SHC3: variants seen among roughly 807,000 people sequenced by gnomAD.
SHC3 encodes the protein SHC-transforming protein 3.
SHC3 carries 15 observed loss-of-function variants against 60.4 expected under a neutral mutation model. That is an observed-to-expected ratio of 0.25 (90% confidence interval 0.17 to 0.38). The LOEUF (loss-of-function observed/expected upper bound fraction) is 0.38, where lower values mean the gene tolerates loss of function less well. Among genes scored for constraint, SHC3 ranks in the 10% least tolerant of loss-of-function variants. SHC3 has a pLI of 1.00. For missense variants in SHC3, 677 were observed against 786.1 expected (o/e 0.86, Z 1.66); for synonymous variants, 294 against 325.9 (o/e 0.90, Z 1.05).
intron 3 of SHC3, among the ~76,000 whole-genome samples, chr9:89,075,787 T>C (rs1049867065): frequency 6.6e-6 from 1 of 152,280 alleles, no homozygotes; most frequent in African/African-American, 2.4e-5. Flanking sequence ...TAAAAACCCA[T>C]GGGCCTAGAG....
At chr9:89,105,434 C>T (rs910508375) in intron 2 of SHC3, among the ~76,000 whole-genome samples, 3 of 152,180 alleles carry the variant, frequency 2.0e-5, no homozygotes, top group Admixed American at 6.5e-5. Flanking sequence ...ACACCCTCAT[C>T]GCTATCTGAA....
At chr9:89,105,065 G>A (rs1213150229) in intron 2 of SHC3, among the ~76,000 whole-genome samples, 1 of 152,134 alleles carries the variant, frequency 6.6e-6, no homozygotes, top group Non-Finnish European at 1.5e-5. Context: ...CCAGCCGACT[G>A]CAAGTGCCTC....
chr9:89,035,195 A>T (rs1472172462), intron 11 of SHC3, among the ~76,000 whole-genome samples: 1 of 152,064 alleles, frequency 6.6e-6, no homozygotes, highest in Non-Finnish European at 1.5e-5. Context: ...TCTTTTTCTC[A>T]ATCCTTTGAC....
chr9:89,080,116 C>A (rs1307793204), intron 2 of SHC3, among the ~76,000 whole-genome samples: 1 of 152,226 alleles, frequency 6.6e-6, no homozygotes, highest in African/African-American at 2.4e-5. Flanking sequence ...AATTCCCCTT[C>A]TTGCTGTTTA....
rs939412862 is a variant in SHC3, at chr9:89,045,750, C to A, written c.1197G>T (p.Arg399Ser). 4.3e-6 allele frequency: 7 copies of A among 1,614,016 alleles called. No homozygotes were observed. The highest frequency in any genetic ancestry group is 1.7e-5 in the Admixed American group (1 of 60,020). The change falls in exon 9 of 12, where the codon AGG becomes AGT. Residue 399 changes from arginine to serine, a missense_variant. Transcript: ENST00000375835. Reference protein sequence around the residue: ...FGEDWQQTPLRQGSSDIYSTP... With the variant: ...FGEDWQQTPLSQGSSDIYSTP... Reference sequence around the variant, plus strand: ...CCATCTCACCTTGCCTCTCACCTTGCCTTAAAGGTGTTTGCTGCCAGTCTT... The same window carrying A: ...CCATCTCACCTTGCCTCTCACCTTGACTTAAAGGTGTTTGCTGCCAGTCTT...
intron 4 of SHC3, among the ~76,000 whole-genome samples, chr9:89,072,573 CTTTAT>C (rs1825291776): frequency 1.3e-5 from 2 of 152,248 alleles, no homozygotes; most frequent in Non-Finnish European, 2.9e-5. Flanking sequence ...TTTCCATTAG[CTTTAT>C]AAACTGCAGC....
At chr9:89,065,773 A>G (rs547988459) in intron 5 of SHC3, among the ~76,000 whole-genome samples, 193 bp from the exon 6 acceptor site, 30 of 152,222 alleles carry the variant, frequency 2.0e-4, no homozygotes, top group Admixed American at 2.0e-3. Flanking sequence ...CAGAGGTCTC[A>G]CATTGCAGAC....
At chr9:89,111,766 G>C (rs1311744113) in intron 2 of SHC3, among the ~76,000 whole-genome samples, 2 of 152,122 alleles carry the variant, frequency 1.3e-5, no homozygotes, top group Non-Finnish European at 2.9e-5. Flanking sequence ...ATATACAATA[G>C]AATGATTTGA....
intron 1 of SHC3, among the ~76,000 whole-genome samples, chr9:89,144,333 C>T (rs1331464400): frequency 6.6e-6 from 1 of 152,208 alleles, no homozygotes; most frequent in Non-Finnish European, 1.5e-5. Flanking sequence ...GTAAAAGAAA[C>T]TGATGCCTAA....
At chr9:89,160,734 A>T (rs1341372481) in intron 1 of SHC3, among the ~76,000 whole-genome samples, 1 of 152,174 alleles carries the variant, frequency 6.6e-6, no homozygotes, top group Non-Finnish European at 1.5e-5. Context: ...TCTTACGGAA[A>T]CCTTTCTGTA....
intron 5 of SHC3, among the ~76,000 whole-genome samples, chr9:89,068,307 T>A (rs1825215871): frequency 6.6e-6 from 1 of 152,168 alleles, no homozygotes; most frequent in African/African-American, 2.4e-5. Flanking sequence ...TAGAGAGGAA[T>A]TAATAAAGTT....
intron 9 of SHC3, among the ~76,000 whole-genome samples, chr9:89,045,430 G>A (rs377468778): frequency 3.3e-5 from 5 of 152,048 alleles, no homozygotes; most frequent in Admixed American, 2.0e-4. Flanking sequence ...ACAGGCACCC[G>A]CCACCACACC....
intron 9 of SHC3, among the ~76,000 whole-genome samples, chr9:89,043,885 C>T (rs1824731608): frequency 1.3e-5 from 2 of 152,094 alleles, no homozygotes; most frequent in African/African-American, 4.8e-5. Context: ...AACTCCTGAC[C>T]TCAGATGATC....
chr9:89,026,354 T>C (rs1207674910), intron 11 of SHC3, among the ~76,000 whole-genome samples: 2 of 152,082 alleles, frequency 1.3e-5, no homozygotes, highest in East Asian at 3.9e-4. Flanking sequence ...TGGTAAAACC[T>C]TGGTCTCCAC....
intron 6 of SHC3, among the ~76,000 whole-genome samples, chr9:89,057,964 G>C (rs1382291120): frequency 6.6e-6 from 1 of 152,186 alleles, no homozygotes; most frequent in African/African-American, 2.4e-5. Flanking sequence ...AAACATATAG[G>C]AAGGGGAGGC....
intron 2 of SHC3, among the ~76,000 whole-genome samples, chr9:89,111,552 A>G (rs1825947197): frequency 6.6e-6 from 1 of 152,104 alleles, no homozygotes; most frequent in African/African-American, 2.4e-5. Context: ...TACATTCACA[A>G]CTTACATGTC....
chr9:89,109,687 C>A, intron 2 of SHC3: 1 of 985,456 alleles, frequency 1.0e-6, no homozygotes, highest in Non-Finnish European at 1.2e-6. Context: ...GAGGAGACCA[C>A]CCCCATGCAC....
At chr9:89,163,964 C>G (rs943562341) in intron 1 of SHC3, among the ~76,000 whole-genome samples, 3 of 152,008 alleles carry the variant, frequency 2.0e-5, no homozygotes, top group Non-Finnish European at 4.4e-5. Context: ...TATAAGGGCA[C>G]TAATCCCATT....
chr9:89,070,511 A>G (rs1825253822), intron 5 of SHC3, among the ~76,000 whole-genome samples: 1 of 152,206 alleles, frequency 6.6e-6, no homozygotes, highest in African/African-American at 2.4e-5. Flanking sequence ...TCTGAGTTCA[A>G]CTTCGTGACA....
Sources: gnomAD v4.1 joint callset for allele counts (sites outside exome capture counted in the v4.1 genomes callset) on GRCh38, gnomAD v4.1.1 for gene constraint, MANE v1.5 for transcripts, NCBI Gene and HGNC (gene_info 2026-07-23, HGNC 2026-07-21) for gene names.